Variants in SKAP1 observed in about 807,000 individuals in gnomAD.
The protein encoded by SKAP1 is src kinase associated phosphoprotein 1.
A neutral mutation model predicts 58.5 loss-of-function variants in SKAP1; 44 were observed. The observed-to-expected ratio is 0.75, with a 90% confidence interval of 0.59 to 0.97. The LOEUF is 0.97. Ranked by LOEUF, SKAP1 falls within the 50% of genes least tolerant of loss-of-function variation. The pLI is 0.00. For missense variants in SKAP1, 390 were observed against 435.2 expected (o/e 0.90, Z 0.92); for synonymous variants, 127 against 149.7 (o/e 0.85, Z 1.11).
chr17:48,323,625 G>T (rs2066396077), intron 4 of SKAP1, among the ~76,000 whole-genome samples: 1 of 152,092 alleles, frequency 6.6e-6, no homozygotes. Context: ...AAATGCATTT[G>T]TTGAGCATTT....
intron 4 of SKAP1, among the ~76,000 whole-genome samples, chr17:48,316,234 G>A (rs942486398): frequency 1.3e-5 from 2 of 152,086 alleles, no homozygotes; most frequent in Admixed American, 6.6e-5. Flanking sequence ...AGTCCTTTCT[G>A]TCTCTTCAAT....
At chr17:48,426,419 C>A (rs1021167553) in intron 1 of SKAP1, among the ~76,000 whole-genome samples, 1 of 152,218 alleles carries the variant, frequency 6.6e-6, no homozygotes, top group African/African-American at 2.4e-5. Flanking sequence ...ACAGGACAAA[C>A]TACGAACCAA....
At chr17:48,443,963 TA>T in the SKAP1 span, among the ~76,000 whole-genome samples, 5 of 152,192 alleles carry the variant, frequency 3.3e-5, no homozygotes, top group African/African-American at 1.2e-4. Context: ...AATAAAATGT[TA>T]ATTATAGAAA....
At chr17:48,156,518 G>T in intron 11 of SKAP1, 1 of 523,758 alleles carries the variant, frequency 1.9e-6, no homozygotes, top group Non-Finnish European at 3.9e-6. Context: ...AGGAAGGGAA[G>T]TTTAGTCCCT....
intron 10 of SKAP1, among the ~76,000 whole-genome samples, chr17:48,168,447 A>C (rs1303799445): frequency 2.0e-5 from 3 of 152,174 alleles, no homozygotes; most frequent in African/African-American, 7.2e-5. Context: ...CCCTGAGGTC[A>C]GGAGTTCCAG....
At chr17:48,286,644 A>G (rs1245744074) in intron 4 of SKAP1, among the ~76,000 whole-genome samples, 2 of 152,224 alleles carry the variant, frequency 1.3e-5, no homozygotes, top group African/African-American at 4.8e-5. Flanking sequence ...TAAGTTATAT[A>G]AGCATTCAAC....
intron 2 of SKAP1, among the ~76,000 whole-genome samples, chr17:48,385,322 T>A (rs77490902): frequency 9.4e-5 from 14 of 148,602 alleles, no homozygotes; most frequent in African/African-American, 7.4e-5. Flanking sequence ...CTGCACAAAA[T>A]AAAAAAAAAA....
chr17:48,422,345 G>A (rs146096170), intron 1 of SKAP1, among the ~76,000 whole-genome samples: 2 of 152,262 alleles, frequency 1.3e-5, no homozygotes, highest in African/African-American at 2.4e-5. Context: ...AAAGAGGTCA[G>A]CTGGATAACT....
chr17:48,135,971 A>C (rs919566566), intron 12 of SKAP1, among the ~76,000 whole-genome samples: 1 of 152,020 alleles, frequency 6.6e-6, no homozygotes, highest in Non-Finnish European at 1.5e-5. Context: ...CTGTGGCAAA[A>C]ATTGCTAGTT....
intron 3 of SKAP1, among the ~76,000 whole-genome samples, chr17:48,353,402 T>G (rs1014462936): frequency 2.0e-5 from 3 of 152,170 alleles, no homozygotes; most frequent in African/African-American, 7.2e-5. Context: ...ATGTAGCAAT[T>G]TTATTACTAT....
intron 11 of SKAP1, among the ~76,000 whole-genome samples, chr17:48,160,457 G>C (rs1357053378): frequency 6.9e-6 from 1 of 144,608 alleles, no homozygotes; most frequent in Admixed American, 7.3e-5. Flanking sequence ...TTTAGTAACA[G>C]AGAAGGGGAA....
intron 1 of SKAP1, among the ~76,000 whole-genome samples, chr17:48,405,303 T>C (rs1163766307): frequency 1.3e-5 from 2 of 152,034 alleles, no homozygotes; most frequent in African/African-American, 2.4e-5. Context: ...CATTTCAATA[T>C]GTAACCAATA....
At chr17:48,435,612 A>G in the SKAP1 span, among the ~76,000 whole-genome samples, 2 of 152,242 alleles carry the variant, frequency 1.3e-5, no homozygotes, top group African/African-American at 2.4e-5. Flanking sequence ...GCAATTTTCT[A>G]AAGTCGACCT....
intron 2 of SKAP1, among the ~76,000 whole-genome samples, chr17:48,376,615 A>C (rs1773086656): frequency 6.6e-6 from 1 of 152,248 alleles, no homozygotes; most frequent in Non-Finnish European, 1.5e-5. Context: ...CAAGGTGGAT[A>C]TCTCAGCATT....
chr17:48,273,427 T>C (rs1438907059), intron 4 of SKAP1, among the ~76,000 whole-genome samples: 1 of 151,922 alleles, frequency 6.6e-6, no homozygotes, highest in African/African-American at 2.4e-5. Flanking sequence ...TCACTGTTTT[T>C]TTTTTTTTCT....
chr17:48,268,264 T>TAA (rs758430323), intron 4 of SKAP1, among the ~76,000 whole-genome samples: 13,356 of 123,576 alleles, frequency 0.11, 678 homozygotes, highest in East Asian at 0.22. Flanking sequence ...AAAGACTACT[T>TAA]AAAAAAAAAA....
At chr17:48,323,485 C>T (rs968536249) in intron 4 of SKAP1, among the ~76,000 whole-genome samples, 5 of 152,012 alleles carry the variant, frequency 3.3e-5, no homozygotes, top group African/African-American at 1.2e-4. Flanking sequence ...AATGGGCTGC[C>T]CTGGGCAAAC....
chr17:48,400,404 AC>A (rs1382220615), intron 1 of SKAP1, among the ~76,000 whole-genome samples: 1 of 152,010 alleles, frequency 6.6e-6, no homozygotes, highest in Non-Finnish European at 1.5e-5. Flanking sequence ...CAGCCAATCA[AC>A]TGTATTTCTA....
chr17:48,159,623 A>G (rs2064040390), intron 11 of SKAP1, among the ~76,000 whole-genome samples: 1 of 152,222 alleles, frequency 6.6e-6, no homozygotes, highest in African/African-American at 2.4e-5. Flanking sequence ...GGAATAAATT[A>G]GGATCTATTT....
Sources: gnomAD v4.1 joint callset for allele counts (sites outside exome capture counted in the v4.1 genomes callset) on GRCh38, gnomAD v4.1.1 for gene constraint, MANE v1.5 for transcripts, NCBI Gene and HGNC (gene_info 2026-07-23, HGNC 2026-07-21) for gene names.